PCDHA4: variants seen among roughly 807,000 people sequenced by gnomAD.
The protein encoded by PCDHA4 is protocadherin alpha 4.
Under a neutral mutation model 61.4 loss-of-function variants are expected in PCDHA4, and 49 were observed. The ratio of observed to expected loss-of-function variants is 0.80; its 90% CI spans 0.63 to 1.01. The LOEUF (loss-of-function observed/expected upper bound fraction) is 1.01, where lower values mean the gene tolerates loss of function less well. Ranked by LOEUF, PCDHA4 falls within the 50% of genes least tolerant of loss-of-function variation. The probability of loss-of-function intolerance (pLI) is 0.00; values close to 1 mark genes in which losing one functional copy is unlikely to be tolerated. For missense variants in PCDHA4, 1,254 were observed against 1,235.8 expected, an observed-to-expected ratio of 1.01 and a Z score of -0.22; for synonymous variants, 590 against 550.3, an observed-to-expected ratio of 1.07 and a Z score of -1.01.
chr5:140,842,824 G>A (rs1778307611), intron 1 of PCDHA4: 4 of 1,593,676 alleles, frequency 2.5e-6, no homozygotes, highest in African/African-American at 1.3e-5. Flanking sequence ...GGGTGGGCGA[G>A]CGCTCGCTGT....
chr5:140,826,367 T>A (rs1304038194), intron 1 of PCDHA4, among the ~76,000 whole-genome samples: 2 of 152,176 alleles, frequency 1.3e-5, no homozygotes, highest in African/African-American at 2.4e-5. Context: ...ATAACTGCAA[T>A]AGAAAGTCAG....
At chr5:140,954,361 C>T (rs782543125) in intron 1 of PCDHA4, among the ~76,000 whole-genome samples, 18 of 152,220 alleles carry the variant, frequency 1.2e-4, no homozygotes, top group Non-Finnish European at 2.2e-4. Context: ...AATCGCCACA[C>T]AGTCTCCCAC....
intron 3 of PCDHA4, among the ~76,000 whole-genome samples, chr5:141,004,088 T>G (rs797038928): frequency 3.4e-4 from 52 of 152,346 alleles, no homozygotes; most frequent in African/African-American, 1.2e-3. Flanking sequence ...GAAATGTGCT[T>G]CTTCCGTTTT....
At chr5:140,888,173 T>A (rs1231331780) in intron 1 of PCDHA4, among the ~76,000 whole-genome samples, 1 of 152,224 alleles carries the variant, frequency 6.6e-6, no homozygotes, top group African/African-American at 2.4e-5. Context: ...AATAAGATGC[T>A]AGACATTGTG....
At position 140,809,413 on chromosome 5, in the gene PCDHA4, C is replaced by T; in HGVS notation, c.2226C>T (p.Ser742=). The T allele has an allele frequency of 1.2e-6, 2 of 1,614,222 alleles. No homozygotes were observed. The highest frequency in any genetic ancestry group is 8.5e-7 in the Non-Finnish European group (1 of 1,180,024). ...CGGGCAAGCCCACGCTGGTGTGCTCCAGTGCGGTGGGGAGCTGGTCATACT... is the reference window on the plus strand; with the variant it reads ...CGGGCAAGCCCACGCTGGTGTGCTCTAGTGCGGTGGGGAGCTGGTCATACT... ...CAPGKPTLVC[S]SAVGSWSYSQ... is the part of the protein sequence containing the mutation. Residue 742 remains serine (S), a synonymous_variant, in exon 1 of 4, where the codon TCC becomes TCT. Transcript: ENST00000530339.
At chr5:140,851,542 C>T in intron 1 of PCDHA4, 1 of 907,540 alleles carries the variant, frequency 1.1e-6, no homozygotes, top group Non-Finnish European at 1.3e-6. Context: ...GTAGATAATT[C>T]AAGAAATGTT....
chr5:140,823,932 G>T (rs2150130492), intron 1 of PCDHA4: 2 of 1,613,980 alleles, frequency 1.2e-6, no homozygotes, highest in South Asian at 2.2e-5. Context: ...TGTACACCGC[G>T]CTGCGGTGCT....
intron 1 of PCDHA4, chr5:140,929,690 C>T (rs921103809): frequency 1.4e-5 from 4 of 278,364 alleles, no homozygotes; most frequent in Non-Finnish European, 2.8e-5. Context: ...TAAGAGTCTG[C>T]TTTATATGAA....
chr5:140,968,405 G>A, intron 1 of PCDHA4: 1 of 1,614,002 alleles, frequency 6.2e-7, no homozygotes, highest in Non-Finnish European at 8.5e-7. Flanking sequence ...GGAGTTCTTT[G>A]TGACTGTGGA....
rs545349225 is a variant in PCDHA4, at chr5:140,969,608, C to T, written c.2386-9341C>T. On this transcript the variant is annotated intron_variant, in intron 1 of 3. Coordinates refer to ENST00000530339, the MANE Select transcript of PCDHA4 (RefSeq NM_018907.4). ...AGTCTTAATATTTAATGCTAAAACA[C>T]AGATTTGTAGAGAAACAGGACAGGC... 646 of 747,324 alleles carry T rather than the reference C, an allele frequency of 8.6e-4. 1 individual carries two copies. Among genetic ancestry groups the T allele is most frequent in the Middle Eastern group, 3.2e-3 (8 of 2,532 alleles). The allele number at this position is 747,324 out of a possible 1,614,324, so 46.3% of individuals were successfully genotyped here. A position where few individuals can be genotyped will look rare whatever the true frequency, so the allele number is the denominator to read the frequency against.
intron 3 of PCDHA4, among the ~76,000 whole-genome samples, chr5:140,993,183 A>C (rs551464442): frequency 2.7e-4 from 41 of 152,298 alleles, no homozygotes; most frequent in Non-Finnish European, 5.0e-4. Flanking sequence ...ATTTCTTTAG[A>C]GGGAAACTCA....
chr5:140,852,931 T>G (rs1554146230), intron 1 of PCDHA4: 1 of 623,668 alleles, frequency 1.6e-6, no homozygotes, highest in Non-Finnish European at 2.1e-6. Flanking sequence ...CAGGCTGGAG[T>G]GCAGTGGTGC....
At position 140,870,296 on chromosome 5, in the gene PCDHA4, C is replaced by T. The variant is rs782782375; in HGVS notation, c.2385+60724C>T. ...CCCCACGTTCCCTTCAAGCTGGTGTCCACCTTCAAGAATTACTACTCGTTG... is the reference window on the plus strand; with the variant it reads ...CCCCACGTTCCCTTCAAGCTGGTGTTCACCTTCAAGAATTACTACTCGTTG... On this transcript the variant is annotated intron_variant, in intron 1 of 3. Transcript: ENST00000530339. 1.2e-5 allele frequency: 20 copies of T among 1,614,086 alleles called. No homozygotes were observed. In the African/African-American group the frequency reaches 2.3e-4, roughly 18 times the overall value.
chr5:140,876,764 G>A (rs1562718507), intron 1 of PCDHA4: 3 of 1,614,220 alleles, frequency 1.9e-6, no homozygotes, highest in Non-Finnish European at 2.5e-6. Context: ...CGGGATGGGG[G>A]CTCGCCTTCG....
chr5:140,831,520 CTTTTTTT>C (rs35178185), intron 1 of PCDHA4, among the ~76,000 whole-genome samples: 8 of 122,400 alleles, frequency 6.5e-5, no homozygotes, highest in African/African-American at 9.5e-5. Context: ...TGCCCCCCAC[CTTTTTTT>C]TTTTTTTTTT....
chr5:140,828,212 C>T, intron 1 of PCDHA4: 1 of 1,614,066 alleles, frequency 6.2e-7, no homozygotes, highest in South Asian at 1.1e-5. Flanking sequence ...GGAGGCCAAA[C>T]ACGGCACCTT....
At chr5:140,928,220 C>G in intron 1 of PCDHA4, 1 of 1,614,166 alleles carries the variant, frequency 6.2e-7, no homozygotes. Context: ...GACAATACAC[C>G]AAACTTTCCT....
intron 1 of PCDHA4, among the ~76,000 whole-genome samples, chr5:140,923,753 TG>T (rs1217230498): frequency 6.6e-6 from 1 of 152,174 alleles, no homozygotes; most frequent in Non-Finnish European, 1.5e-5. Context: ...AGGCATATGG[TG>T]GGACAAATCC....
chr5:140,963,117 AAG>A (rs1292385306), intron 1 of PCDHA4, among the ~76,000 whole-genome samples: 1 of 152,182 alleles, frequency 6.6e-6, no homozygotes, highest in African/African-American at 2.4e-5. Flanking sequence ...CTTATAATTA[AAG>A]AGATAATATT....
Sources: allele counts gnomAD v4.1 joint callset (sites outside exome capture counted in the v4.1 genomes callset), GRCh38; gene constraint gnomAD v4.1.1; transcripts MANE v1.5; gene names NCBI Gene and HGNC (gene_info 2026-07-23, HGNC 2026-07-21).